Variants in ATP6V0A1 observed in about 807,000 individuals in gnomAD.
The protein encoded by ATP6V0A1 is V-type proton ATPase 116 kDa subunit a 1.
ATP6V0A1 carries 43 observed loss-of-function variants against 105.4 expected under a neutral mutation model. The observed-to-expected ratio is 0.41, with a 90% CI of 0.32 to 0.53. The LOEUF is 0.53. Ranked by LOEUF, ATP6V0A1 falls within the 20% of genes least tolerant of loss-of-function variation. The pLI is 0.30. For synonymous variants in ATP6V0A1, 362 were observed against 372.8 expected (o/e 0.97, Z 0.33); for missense variants, 676 against 1,051.1 (o/e 0.64, Z 4.93).
At chr17:42,474,986 G>A (rs1361935349) in intron 5 of ATP6V0A1, among the ~76,000 whole-genome samples, 1 of 152,210 alleles carries the variant, frequency 6.6e-6, no homozygotes. Flanking sequence ...ATGAAGAACT[G>A]TAAGAGCTGG....
At chr17:42,506,698 G>GT (rs1166716032) in intron 17 of ATP6V0A1, among the ~76,000 whole-genome samples, 6 of 152,140 alleles carry the variant, frequency 3.9e-5, no homozygotes, top group East Asian at 3.9e-4. Context: ...TTTCTGCCTG[G>GT]TTTTTTTTCC....
chr17:42,514,037 A>T, intron 20 of ATP6V0A1, 59 bp downstream of exon 20: 1 of 1,535,264 alleles, frequency 6.5e-7, no homozygotes, highest in South Asian at 1.1e-5. Context: ...GCGCACTGTC[A>T]GTTGGGGGGC....
intron 5 of ATP6V0A1, among the ~76,000 whole-genome samples, chr17:42,472,409 A>G (rs983316204): frequency 2.6e-5 from 4 of 151,798 alleles, no homozygotes; most frequent in African/African-American, 9.7e-5. Context: ...AAATTTATAT[A>G]TATAGTTTTT....
At chr17:42,469,857 G>T (rs1169061731) in intron 4 of ATP6V0A1, among the ~76,000 whole-genome samples, 1 of 152,106 alleles carries the variant, frequency 6.6e-6, no homozygotes, top group Non-Finnish European at 1.5e-5. Context: ...GGTCAGGCTG[G>T]TCTCGAACTC....
chr17:42,477,807 CA>C (rs1375694173), intron 6 of ATP6V0A1, 65 bp downstream of exon 6: 1 of 1,331,754 alleles, frequency 7.5e-7, no homozygotes, highest in Non-Finnish European at 1.1e-6. Flanking sequence ...TTCAGAAGAG[CA>C]GTGAGACTGG....
chr17:42,474,631 C>T (rs1247711618), intron 5 of ATP6V0A1, among the ~76,000 whole-genome samples: 2 of 152,208 alleles, frequency 1.3e-5, no homozygotes, highest in Admixed American at 6.5e-5. Context: ...TTGGGACCCT[C>T]AAATGTTGGA....
intron 10 of ATP6V0A1, among the ~76,000 whole-genome samples, chr17:42,489,014 C>CA (rs1177722638): frequency 0.037 from 3,542 of 96,612 alleles, 133 homozygotes; most frequent in African/African-American, 0.11. Context: ...GACTCTGTCT[C>CA]AAAAAAAAAA....
At chr17:42,504,780 C>T (rs1327404102) in intron 17 of ATP6V0A1, among the ~76,000 whole-genome samples, 1 of 152,200 alleles carries the variant, frequency 6.6e-6, no homozygotes, top group Non-Finnish European at 1.5e-5. Context: ...CTAGAGAATG[C>T]ATATAGTGCT....
intron 2 of ATP6V0A1, 43 bp downstream of exon 2, chr17:42,461,054 A>G: frequency 4.0e-6 from 6 of 1,517,176 alleles, no homozygotes; most frequent in Non-Finnish European, 5.5e-6. Context: ...GCTGAACTCT[A>G]TTGCTATCGT....
rs1412922330 is a variant in ATP6V0A1, at chr17:42,470,135, A to C, written c.340A>C (p.Asn114His). The C allele has an allele frequency of 6.2e-7, 1 of 1,611,030 alleles. No homozygotes were observed. The highest frequency in any genetic ancestry group is 1.3e-5 in the African/African-American group (1 of 74,878). The change falls in exon 5 of 22, where the codon AAC becomes CAC. Residue 114 changes from asparagine to histidine, a missense_variant. Asn to His is a moderately conservative substitution (Grantham distance 68, BLOSUM62 1). Around this residue, in one of 3 missense-constraint regions of ATP6V0A1, gnomAD observed 239 missense variants for 388.4 expected, o/e 0.62. Transcript: ENST00000343619. ...IENELKEINT[N>H]QEALKRNFLE... is the part of the protein sequence containing the mutation. ...AAATGAACTGAAGGAAATCAACACA[A>C]ACCAGGAAGCTCTGAAGAGAAACTT...
intron 19 of ATP6V0A1, among the ~76,000 whole-genome samples, chr17:42,512,277 T>A (rs2146276623): frequency 6.6e-6 from 1 of 152,322 alleles, no homozygotes; most frequent in East Asian, 1.9e-4. Context: ...AAGCGAGGCT[T>A]CTCTCCTGTC....
intron 7 of ATP6V0A1, 21 bp from the exon 8 acceptor site, chr17:42,480,645 GT>G: frequency 1.3e-6 from 2 of 1,594,872 alleles, no homozygotes; most frequent in East Asian, 2.2e-5. Context: ...CTGAACTCTT[GT>G]TTTTTTATTC....
intron 10 of ATP6V0A1, among the ~76,000 whole-genome samples, chr17:42,490,020 T>C (rs1219388572): frequency 6.6e-6 from 1 of 152,164 alleles, no homozygotes; most frequent in Non-Finnish European, 1.5e-5. Context: ...AGAAGCTCTT[T>C]GGTCAGGAGC....
rs979596868 is a variant in ATP6V0A1 at position 42,522,472 on chromosome 17, C to G, written c.*1352C>G. 6.5e-6 allele frequency: 1 copy of G among 152,946 alleles called. No individual in the cohort carries two copies. Among genetic ancestry groups the G allele is most frequent in the African/African-American group, 2.4e-5 (1 of 41,464 alleles). 9.5% of individuals were successfully genotyped at this position (152,946 alleles called of 1,614,324 possible). On this transcript the variant is annotated 3_prime_UTR_variant, in exon 22 of 22. Transcript: ENST00000343619. ...TGGTGTCCTGGGTTTTCGTGATGATCTTTGCTCTGTTTCCAGTGGGGTTTG... is the reference window on the plus strand; with the variant it reads ...TGGTGTCCTGGGTTTTCGTGATGATGTTTGCTCTGTTTCCAGTGGGGTTTG...
chr17:42,494,246 G>A (rs778893425), intron 11 of ATP6V0A1, 88 bp from the exon 12 acceptor site: 263 of 1,344,874 alleles, frequency 2.0e-4, no homozygotes, highest in Non-Finnish European at 2.4e-4. Context: ...AAAAAAAAAG[G>A]GGGGTGGGTA....
At chr17:42,481,154 C>G (rs1289620243) in intron 8 of ATP6V0A1, 1 of 153,786 alleles carries the variant, frequency 6.5e-6, no homozygotes, top group Non-Finnish European at 1.4e-5. Context: ...AACTCCTGGA[C>G]TCAAGGGATC....
chr17:42,502,803 C>T (rs2091777939), intron 17 of ATP6V0A1: 2 of 152,628 alleles, frequency 1.3e-5, no homozygotes. Context: ...GGAAGGGCAA[C>T]CTGTGGAGGC....
chr17:42,462,708 C>T (rs374091836), intron 2 of ATP6V0A1, among the ~76,000 whole-genome samples: 9 of 152,202 alleles, frequency 5.9e-5, no homozygotes, highest in South Asian at 4.2e-4. Flanking sequence ...GCATGAGCCA[C>T]CATACCTGGC....
chr17:42,484,918 C>T (rs985300712), intron 9 of ATP6V0A1, among the ~76,000 whole-genome samples: 8 of 149,822 alleles, frequency 5.3e-5, no homozygotes, highest in East Asian at 1.9e-4. Context: ...GGCGCGATCT[C>T]GGCTCACTGC....
Sources: allele counts gnomAD v4.1 joint callset (sites outside exome capture counted in the v4.1 genomes callset), GRCh38; gene constraint gnomAD v4.1.1; regional missense constraint gnomAD v4.1.1; transcripts MANE v1.5; gene names NCBI Gene and HGNC (gene_info 2026-07-23, HGNC 2026-07-21).